STK32A: variants seen among roughly 807,000 people sequenced by gnomAD.
STK32A encodes the protein serine/threonine kinase 32A.
In STK32A, 41 loss-of-function variants were observed where a neutral mutation model predicts 53.2. The observed-to-expected ratio is 0.77, with a 90% CI of 0.60 to 1.00. STK32A has a LOEUF of 1.00. Ranked by LOEUF, STK32A falls within the 50% of genes least tolerant of loss-of-function variation. The pLI, the probability that STK32A is intolerant of heterozygous loss-of-function variation, is 0.00. For synonymous variants in STK32A, 166 were observed against 162.8 expected (o/e 1.02, Z -0.15); for missense variants, 458 against 485.8 (o/e 0.94, Z 0.54).
the STK32A span, chr5:147,401,626 G>C: frequency 6.2e-7 from 1 of 1,614,114 alleles, no homozygotes; most frequent in Non-Finnish European, 8.5e-7. Flanking sequence ...CCTTGGCCCA[G>C]TTCTTGCTCC....
At chr5:147,316,562 T>C (rs1045776735) in intron 4 of STK32A, among the ~76,000 whole-genome samples, 32 of 152,288 alleles carry the variant, frequency 2.1e-4, no homozygotes, top group Non-Finnish European at 1.5e-4. Flanking sequence ...TTCATTATAA[T>C]ATATTTTTAA....
chr5:147,377,796 G>T (rs151184377), intron 11 of STK32A, among the ~76,000 whole-genome samples: 53 of 152,190 alleles, frequency 3.5e-4, no homozygotes, highest in African/African-American at 8.9e-4. Context: ...ACCTTTGAGT[G>T]CTTTCCGGAG....
intron 6 of STK32A, chr5:147,348,605 C>A: frequency 1.4e-6 from 1 of 718,372 alleles, no homozygotes; most frequent in South Asian, 1.5e-5. Flanking sequence ...GTAGCTGAGT[C>A]AGCTTGGAAA....
chr5:147,370,387 G>A lies in STK32A; in HGVS notation c.661-267G>A, dbSNP rs984606465. 2.0e-5 allele frequency among the ~76,000 whole-genome samples: 3 copies of A among 152,102 alleles called. No individual in the cohort carries two copies. In the South Asian group the frequency reaches 6.2e-4, roughly 32 times the overall value. On this transcript the variant is annotated intron_variant, in intron 8 of 12. Coordinates refer to ENST00000397936, the MANE Select transcript of STK32A (RefSeq NM_001112724.2). ...AGAGGCTGATTCAGTCCACTTGAAT[G>A]TTTTGTTTGGCTCAGTGGAGTGTTC... is the stretch of plus-strand genomic sequence containing the variant.
chr5:147,378,360 A>G (rs572865852), intron 11 of STK32A, among the ~76,000 whole-genome samples: 9 of 152,250 alleles, frequency 5.9e-5, no homozygotes, highest in African/African-American at 2.2e-4. Flanking sequence ...GGCAGATCTT[A>G]ATGTTACAGA....
intron 2 of STK32A, among the ~76,000 whole-genome samples, chr5:147,245,474 G>A (rs1354842633): frequency 6.6e-6 from 1 of 151,980 alleles, no homozygotes; most frequent in Non-Finnish European, 1.5e-5. Flanking sequence ...GTTTGTTTTT[G>A]TGGTTGGTTG....
At chr5:147,266,912 A>C (rs1754836000) in intron 2 of STK32A, among the ~76,000 whole-genome samples, 1 of 151,580 alleles carries the variant, frequency 6.6e-6, no homozygotes, top group African/African-American at 2.4e-5. Flanking sequence ...AATCCCAGCT[A>C]CTCTGGAGGC....
chr5:147,239,328 C>G (rs376990918), intron 1 of STK32A, among the ~76,000 whole-genome samples: 6 of 152,204 alleles, frequency 3.9e-5, no homozygotes, highest in African/African-American at 1.2e-4. Flanking sequence ...TTGCTTTCCT[C>G]CCATTTTGTA....
intron 4 of STK32A, among the ~76,000 whole-genome samples, chr5:147,298,750 C>T (rs564065850): frequency 1.8e-4 from 28 of 152,176 alleles, no homozygotes; most frequent in Admixed American, 3.9e-4. Context: ...ATGAATAAGA[C>T]AAAGAAAACC....
intron 2 of STK32A, among the ~76,000 whole-genome samples, chr5:147,260,752 G>A (rs747235616): frequency 9.9e-5 from 15 of 152,100 alleles, no homozygotes; most frequent in Non-Finnish European, 2.1e-4. Context: ...CTTAGTGTTG[G>A]CAGGCCCATG....
rs1754175107 is a variant in STK32A, at chr5:147,255,155, A to G, written c.52+15469A>G. ...CACCTCAAAAACAAAACAAAAAAGT[A>G]GAAGGCAAAGAATTGAACATACTGA... On this transcript the variant is annotated intron_variant, in intron 2 of 12. Coordinates refer to ENST00000397936, the MANE Select transcript of STK32A (RefSeq NM_001112724.2). Among the ~76,000 whole-genome samples, 4 of 152,242 alleles carry G rather than the reference A, an allele frequency of 2.6e-5. No homozygotes were observed. The South Asian group carries it at 6.2e-4, about 24-fold the overall frequency.
chr5:147,337,146 G>A (rs959108225), intron 5 of STK32A, among the ~76,000 whole-genome samples: 8 of 152,154 alleles, frequency 5.3e-5, no homozygotes, highest in African/African-American at 1.9e-4. Flanking sequence ...CTGCCACAAG[G>A]AGCATTGTAT....
intron 2 of STK32A, among the ~76,000 whole-genome samples, chr5:147,259,342 C>T (rs962856334): frequency 1.3e-5 from 2 of 152,042 alleles, no homozygotes; most frequent in Admixed American, 1.3e-4. Flanking sequence ...AAAGCAGTTG[C>T]GGCTACAGAT....
the STK32A span, chr5:147,397,809 G>A: frequency 2.1e-5 from 34 of 1,613,574 alleles, no homozygotes; most frequent in Non-Finnish European, 2.8e-5. Flanking sequence ...GGAGCCCCGC[G>A]CAGCTCCATC....
chr5:147,384,582 T>G lies in STK32A; in HGVS notation c.*599T>G. Reference sequence around the variant, plus strand: ...CAGCATTAGATCCGCTTATCTCAGCTGGCAGGAGCCTGCTGTGCACACCAC... The same window carrying G: ...CAGCATTAGATCCGCTTATCTCAGCGGGCAGGAGCCTGCTGTGCACACCAC... On this transcript the variant is annotated 3_prime_UTR_variant, in exon 13 of 13. Coordinates refer to ENST00000397936, the MANE Select transcript of STK32A (RefSeq NM_001112724.2). 1 of 617,020 alleles carries G rather than the reference T, an allele frequency of 1.6e-6. No homozygotes were observed. The highest frequency in any genetic ancestry group is 2.7e-6 in the Non-Finnish European group (1 of 370,854). The allele number at this position is 617,020 out of a possible 1,614,324, so 38.2% of individuals were successfully genotyped here. A position where few individuals can be genotyped will look rare whatever the true frequency, so the allele number is the denominator to read the frequency against.
At chr5:147,389,151 G>C (rs1006621696), downstream of STK32A, among the ~76,000 whole-genome samples, 1 of 152,062 alleles carries the variant, frequency 6.6e-6, no homozygotes, top group Admixed American at 6.6e-5. Context: ...CCAACAGGGG[G>C]TCATCACATA....
the STK32A span, among the ~76,000 whole-genome samples, chr5:147,401,272 T>C: frequency 6.6e-6 from 1 of 152,200 alleles, no homozygotes; most frequent in Non-Finnish European, 1.5e-5. Flanking sequence ...ATAAATGAGA[T>C]TGTGAGTGTA....
intron 11 of STK32A, among the ~76,000 whole-genome samples, chr5:147,378,063 T>A (rs1469254583): frequency 6.6e-6 from 1 of 152,202 alleles, no homozygotes; most frequent in Non-Finnish European, 1.5e-5. Flanking sequence ...AAAACATGAG[T>A]CAATCTTACC....
chr5:147,399,206 G>T, the STK32A span: 1 of 1,614,108 alleles, frequency 6.2e-7, no homozygotes, highest in African/African-American at 1.3e-5. Context: ...GGCAGCGTTT[G>T]TGCTTGTCAC....
Sources: gnomAD v4.1 joint callset for allele counts (sites outside exome capture counted in the v4.1 genomes callset) on GRCh38, gnomAD v4.1.1 for gene constraint, MANE v1.5 for transcripts, NCBI Gene and HGNC (gene_info 2026-07-23, HGNC 2026-07-21) for gene names.